Variants in NDC1 observed in about 807,000 individuals in gnomAD.
The protein encoded by NDC1 is NDC1 transmembrane nucleoporin.
NDC1 carries 24 observed loss-of-function variants against 89.8 expected under a neutral mutation model. The ratio of observed to expected loss-of-function variants is 0.27; its 90% CI spans 0.19 to 0.38. The LOEUF is 0.38. Ranked by LOEUF, NDC1 falls within the 10% of genes least tolerant of loss-of-function variation. The pLI is 1.00. For missense variants in NDC1, 728 were observed against 797.6 expected (o/e 0.91, Z 1.05); for synonymous variants, 296 against 284.8 (o/e 1.04, Z -0.39).
intron 8 of NDC1, among the ~76,000 whole-genome samples, chr1:53,807,302 T>C (rs1427677276): frequency 1.3e-5 from 2 of 149,002 alleles, no homozygotes; most frequent in Admixed American, 1.3e-4. Context: ...TTAAATATTT[T>C]AATAGTAGCT....
At chr1:53,809,899 A>G (rs559338016) in intron 6 of NDC1, among the ~76,000 whole-genome samples, 153 bp from the exon 7 acceptor site, 1 of 152,366 alleles carries the variant, frequency 6.6e-6, no homozygotes, top group African/African-American at 2.4e-5. Flanking sequence ...AAAAGACAGT[A>G]CTTATTAACA....
intron 16 of NDC1, among the ~76,000 whole-genome samples, chr1:53,777,157 C>G (rs1447985800): frequency 1.3e-5 from 2 of 151,998 alleles, no homozygotes; most frequent in Non-Finnish European, 2.9e-5. Context: ...CTATTAGAGG[C>G]TACAGGTGCA....
At chr1:53,806,930 A>T (rs553482729) in intron 8 of NDC1, among the ~76,000 whole-genome samples, 3 of 152,274 alleles carry the variant, frequency 2.0e-5, no homozygotes, top group African/African-American at 7.2e-5. Flanking sequence ...CTTTAATATA[A>T]ATTTTAAAAC....
chr1:53,791,415 G>A (rs543486883), intron 14 of NDC1, among the ~76,000 whole-genome samples: 5 of 147,922 alleles, frequency 3.4e-5, no homozygotes, highest in East Asian at 2.0e-4. Flanking sequence ...CAGCCTGGGC[G>A]ACAGAGCGAG....
intron 17 of NDC1, among the ~76,000 whole-genome samples, chr1:53,769,274 T>A (rs1647092034): frequency 6.6e-6 from 1 of 152,142 alleles, no homozygotes; most frequent in Admixed American, 6.6e-5. Context: ...AATGGGGAGA[T>A]GTAGGTCAAA....
chr1:53,774,428 C>A (rs979607841), intron 16 of NDC1, among the ~76,000 whole-genome samples: 3 of 152,128 alleles, frequency 2.0e-5, no homozygotes, highest in African/African-American at 7.2e-5. Context: ...AAGTTATATT[C>A]TTTTCAATTT....
chr1:53,785,114 C>T (rs1365970465), intron 16 of NDC1, among the ~76,000 whole-genome samples: 1 of 152,162 alleles, frequency 6.6e-6, no homozygotes, highest in Admixed American at 6.5e-5. Flanking sequence ...ACTACTAAGC[C>T]TCCCTCATCT....
chr1:53,824,181 C>T (rs1481218131), intron 5 of NDC1, among the ~76,000 whole-genome samples: 2 of 145,024 alleles, frequency 1.4e-5, no homozygotes, highest in Admixed American at 7.2e-5. Flanking sequence ...CTGCAGTGAG[C>T]GATGATCGTG....
intron 5 of NDC1, among the ~76,000 whole-genome samples, chr1:53,825,453 C>CAAAAAAAAAAAAAAAAAAAAAAAAAAA (rs369960654): frequency 1.2e-4 from 15 of 125,834 alleles, no homozygotes; most frequent in African/African-American, 3.8e-4. Context: ...AGACTGTCTC[C>CAAAAAAAAAAAAAAAAAAAAAAAAAAA]AAAAAAAAAG....
At chr1:53,825,759 G>A (rs559178017) in intron 5 of NDC1, 39 bp downstream of exon 5, 13 of 1,542,078 alleles carry the variant, frequency 8.4e-6, no homozygotes, top group South Asian at 1.3e-5. Flanking sequence ...TTTTACCTCA[G>A]CCAAATTTTG....
chr1:53,814,307 A>G (rs1313265455), intron 6 of NDC1, among the ~76,000 whole-genome samples: 1 of 152,178 alleles, frequency 6.6e-6, no homozygotes, highest in Non-Finnish European at 1.5e-5. Flanking sequence ...GTGAGTCAAG[A>G]TCGCGCCATC....
intron 16 of NDC1, among the ~76,000 whole-genome samples, chr1:53,774,944 G>A (rs1647149653): frequency 6.6e-6 from 1 of 151,874 alleles, no homozygotes; most frequent in South Asian, 2.1e-4. Flanking sequence ...ATATAAACAC[G>A]GCAAATCCAA....
At chr1:53,831,891 A>G (rs1649080564) in intron 3 of NDC1, among the ~76,000 whole-genome samples, 1 of 151,970 alleles carries the variant, frequency 6.6e-6, no homozygotes, top group Non-Finnish European at 1.5e-5. Flanking sequence ...GTTTTTTTTT[A>G]ATCACAGTAT....
At chr1:53,780,368 C>G (rs12064593) in intron 16 of NDC1, among the ~76,000 whole-genome samples, 2,295 of 152,304 alleles carry the variant, frequency 0.015, 65 homozygotes, top group African/African-American at 0.052. Context: ...GCCACCGCGC[C>G]CAGCCTCATA....
intron 10 of NDC1, among the ~76,000 whole-genome samples, chr1:53,803,672 C>T (rs528464140): frequency 3.2e-4 from 49 of 152,248 alleles, no homozygotes; most frequent in African/African-American, 1.1e-3. Flanking sequence ...CCCAGGCTCA[C>T]GCCATTCTCC....
rs571271399 is a variant in NDC1 at position 53,794,607 on chromosome 1, C to T, written c.1585-1328G>A. Among the ~76,000 whole-genome samples, 11 of 152,150 alleles carry T rather than the reference C, an allele frequency of 7.2e-5. No individual in the cohort carries two copies. The East Asian group carries it at 7.7e-4, about 11-fold the overall frequency. On this transcript the variant is annotated intron_variant, in intron 13 of 17. Coordinates refer to ENST00000371429, the MANE Select transcript of NDC1 (RefSeq NM_018087.5). ...AAACATGACTGGGCGTGGTGGCTCGCGCCTGTAATTCCAACACTTTATGAG... is the reference window on the plus strand; with the variant it reads ...AAACATGACTGGGCGTGGTGGCTCGTGCCTGTAATTCCAACACTTTATGAG...
intron 15 of NDC1, 145 bp from the exon 16 acceptor site, chr1:53,787,403 C>T: frequency 1.9e-6 from 1 of 537,176 alleles, no homozygotes; most frequent in Non-Finnish European, 3.3e-6. Context: ...AATCCTAGCA[C>T]TCTGGGAGGC....
At chr1:53,812,334 G>A (rs766392107) in intron 6 of NDC1, among the ~76,000 whole-genome samples, 33 of 152,294 alleles carry the variant, frequency 2.2e-4, no homozygotes, top group South Asian at 4.1e-4. Context: ...AGAGAAAGGC[G>A]AAGCCCAATG....
chr1:53,793,576 T>TTTTTTTC (rs376607814), intron 13 of NDC1, among the ~76,000 whole-genome samples: 72 of 152,216 alleles, frequency 4.7e-4, no homozygotes, highest in African/African-American at 1.5e-3. Flanking sequence ...TTTGGTGAAA[T>TTTTTTTC]TTTTTTCTTT....
Sources: gnomAD v4.1 joint callset for allele counts (sites outside exome capture counted in the v4.1 genomes callset) on GRCh38, gnomAD v4.1.1 for gene constraint, MANE v1.5 for transcripts, NCBI Gene and HGNC (gene_info 2026-07-23, HGNC 2026-07-21) for gene names.